Variants in SMOC2 observed in about 807,000 individuals in gnomAD.
SMOC2 encodes SPARC related modular calcium binding 2, also known as SPARC-related modular calcium-binding protein 2.
SMOC2 carries 39 observed loss-of-function variants against 61.4 expected under a neutral mutation model. That is an observed-to-expected ratio of 0.64 (90% CI 0.49 to 0.83). The LOEUF (loss-of-function observed/expected upper bound fraction) is 0.83, where lower values mean the gene tolerates loss of function less well. Among genes scored for constraint, SMOC2 ranks in the 40% least tolerant of loss-of-function variants. SMOC2 has a pLI of 0.00. For synonymous variants in SMOC2, 247 were observed against 239.9 expected, an observed-to-expected ratio of 1.03 and a Z score of -0.27; for missense variants, 556 against 592.9, an observed-to-expected ratio of 0.94 and a Z score of 0.65.
At chr6:168,469,841 T>C (rs1781932136) in intron 1 of SMOC2, among the ~76,000 whole-genome samples, 2 of 152,266 alleles carry the variant, frequency 1.3e-5, no homozygotes, top group Admixed American at 6.5e-5. Flanking sequence ...AGATGTCCAG[T>C]GGAAATTTCC....
intron 1 of SMOC2, among the ~76,000 whole-genome samples, chr6:168,441,714 C>A (rs1781214175): frequency 6.6e-6 from 1 of 152,170 alleles, no homozygotes; most frequent in South Asian, 2.1e-4. Flanking sequence ...TCCTCGGGTT[C>A]CACCCGGCTG....
At chr6:168,518,777 A>G (rs1273902114) in intron 2 of SMOC2, among the ~76,000 whole-genome samples, 1 of 149,634 alleles carries the variant, frequency 6.7e-6, no homozygotes, top group East Asian at 2.0e-4. Flanking sequence ...GCGTGTGTGC[A>G]TGTGTGAAAG....
At chr6:168,447,604 G>T (rs891219423) in intron 1 of SMOC2, among the ~76,000 whole-genome samples, 5 of 152,146 alleles carry the variant, frequency 3.3e-5, no homozygotes, top group African/African-American at 4.8e-5. Context: ...TGGGGGGAAA[G>T]GGGTAGGCAA....
intron 2 of SMOC2, among the ~76,000 whole-genome samples, chr6:168,510,313 G>T (rs111766983): frequency 3.3e-5 from 5 of 152,226 alleles, no homozygotes; most frequent in Non-Finnish European, 5.9e-5. Flanking sequence ...CACCATGAAA[G>T]AAATTTATCC....
intron 1 of SMOC2, among the ~76,000 whole-genome samples, chr6:168,443,890 G>A (rs1781273287): frequency 6.6e-6 from 1 of 152,200 alleles, no homozygotes; most frequent in Non-Finnish European, 1.5e-5. Flanking sequence ...ATAATCTTCA[G>A]TCCCCTTATC....
chr6:168,662,448 G>A (rs1409914402), intron 11 of SMOC2, among the ~76,000 whole-genome samples: 3 of 152,194 alleles, frequency 2.0e-5, no homozygotes, highest in Admixed American at 6.5e-5. Context: ...AGGACAGCAG[G>A]AACGCCATGC....
intron 9 of SMOC2, among the ~76,000 whole-genome samples, chr6:168,628,114 GTGGCCCCCTA>G (rs1786462415): frequency 6.6e-6 from 1 of 152,242 alleles, no homozygotes; most frequent in African/African-American, 2.4e-5. Context: ...GGGCGCGCCT[GTGGCCCCCTA>G]GGTTTGCCAT....
chr6:168,664,382 ATCTTTTTTTTTTT>A (rs1787600855), intron 12 of SMOC2: 21 of 302,716 alleles, frequency 6.9e-5, no homozygotes, highest in African/African-American at 5.6e-4. Flanking sequence ...TGTTTGGTAG[ATCTTTTTTTTTTT>A]TTTTTTTTTT....
chr6:168,588,611 C>T (rs1287416862), intron 7 of SMOC2, among the ~76,000 whole-genome samples: 1 of 152,156 alleles, frequency 6.6e-6, no homozygotes, highest in Non-Finnish European at 1.5e-5. Flanking sequence ...CAAGTGATTC[C>T]CAGCATTTAC....
In SMOC2 at chr6:168,664,055, C is replaced by CTT. The variant is rs201253041; in HGVS notation, c.1286-10_1286-9dup. 21 of 1,423,252 alleles carry CTT rather than the reference C, an allele frequency of 1.5e-5. No homozygotes were observed. The highest frequency in any genetic ancestry group is 5.8e-5 in the African/African-American group (4 of 69,536). 88.2% of individuals were successfully genotyped at this position (1,423,252 alleles called of 1,614,324 possible). A position where few individuals can be genotyped will look rare whatever the true frequency, so the allele number is the denominator to read the frequency against. On this transcript the variant is annotated intron_variant, in intron 11 of 12. Transcript: ENST00000356284. ...ATGAGTCTCTGATTTTTAATAATAT[C>CTT]TTTTTTTTTTCCTGCTAGCCCCCAG...
At chr6:168,468,234 C>T (rs375534576) in intron 1 of SMOC2, among the ~76,000 whole-genome samples, 7 of 152,302 alleles carry the variant, frequency 4.6e-5, no homozygotes, top group East Asian at 1.9e-4. Context: ...CAGGGCGCTG[C>T]GGGTTCTTTG....
intron 9 of SMOC2, among the ~76,000 whole-genome samples, chr6:168,615,145 G>C (rs1368334863): frequency 3.6e-4 from 2 of 5,544 alleles, no homozygotes; most frequent in African/African-American, 5.1e-4. Context: ...CCAGCACAGG[G>C]GGCCTCTTCA....
chr6:168,545,561 A>T (rs1783976538), intron 5 of SMOC2, among the ~76,000 whole-genome samples: 1 of 152,202 alleles, frequency 6.6e-6, no homozygotes, highest in South Asian at 2.1e-4. Flanking sequence ...GCCTATGATG[A>T]CCGTGCTGAG....
chr6:168,530,230 G>A (rs576910269), intron 4 of SMOC2, among the ~76,000 whole-genome samples: 4 of 152,218 alleles, frequency 2.6e-5, no homozygotes, highest in South Asian at 2.1e-4. Context: ...GGAGGGAAAC[G>A]GGGCTCCACT....
intron 9 of SMOC2, among the ~76,000 whole-genome samples, chr6:168,629,003 G>C (rs887729645): frequency 2.0e-5 from 3 of 152,244 alleles, no homozygotes; most frequent in Non-Finnish European, 4.4e-5. Context: ...GCGTTGGCTG[G>C]CAGGCAGGCG....
intron 1 of SMOC2, among the ~76,000 whole-genome samples, chr6:168,505,343 C>A (rs1282001819): frequency 6.6e-6 from 1 of 152,056 alleles, no homozygotes; most frequent in African/African-American, 2.4e-5. Flanking sequence ...AAATGTCCAT[C>A]TCTCAGATGC....
intron 9 of SMOC2, among the ~76,000 whole-genome samples, chr6:168,611,936 G>A (rs1785881147): frequency 6.6e-6 from 1 of 152,192 alleles, no homozygotes; most frequent in African/African-American, 2.4e-5. Context: ...CGTGTGGTGT[G>A]GGTGTGGACT....
intron 9 of SMOC2, among the ~76,000 whole-genome samples, chr6:168,648,556 G>A (rs1037075505): frequency 2.0e-5 from 3 of 152,254 alleles, no homozygotes; most frequent in Non-Finnish European, 4.4e-5. Flanking sequence ...AGCAGCCTCT[G>A]CAGCCTCAGG....
intron 9 of SMOC2, among the ~76,000 whole-genome samples, chr6:168,626,322 C>G (rs1786408894): frequency 6.6e-6 from 1 of 152,196 alleles, no homozygotes; most frequent in Non-Finnish European, 1.5e-5. Flanking sequence ...GTGGAAAAAT[C>G]TGAATTCTGT....
Sources: gnomAD v4.1 joint callset for allele counts (sites outside exome capture counted in the v4.1 genomes callset) on GRCh38, gnomAD v4.1.1 for gene constraint, MANE v1.5 for transcripts, NCBI Gene and HGNC (gene_info 2026-07-23, HGNC 2026-07-21) for gene names.